The following VPS13A variants were observed in gnomAD, a reference collection of about 807,000 sequenced individuals.
The protein encoded by VPS13A is intermembrane lipid transfer protein VPS13A.
A neutral mutation model predicts 390.9 loss-of-function variants in VPS13A; 264 were observed. The ratio of observed to expected loss-of-function variants is 0.68; its 90% CI spans 0.61 to 0.75. The LOEUF is 0.75. Ranked by LOEUF, VPS13A falls within the 30% of genes least tolerant of loss-of-function variation. The pLI is 0.00. For missense variants in VPS13A, 3,409 were observed against 3,733.9 expected (o/e 0.91, Z 2.27); for synonymous variants, 1,231 against 1,227.1 (o/e 1.00, Z -0.07).
At chr9:77,339,038 A>T (rs750248842) in intron 47 of VPS13A, 16 of 182,208 alleles carry the variant, frequency 8.8e-5, no homozygotes, top group Non-Finnish European at 1.7e-4. Flanking sequence ...GATACATATG[A>T]CGTAATAATA....
intron 1 of VPS13A, among the ~76,000 whole-genome samples, chr9:77,183,051 A>G (rs1324305332): frequency 1.3e-5 from 2 of 152,190 alleles, no homozygotes; most frequent in African/African-American, 4.8e-5. Context: ...ACCAATTCTA[A>G]TTCCTTATGT....
chr9:77,312,779 G>C (rs1333657085), intron 35 of VPS13A, among the ~76,000 whole-genome samples: 2 of 152,120 alleles, frequency 1.3e-5, no homozygotes, highest in Non-Finnish European at 2.9e-5. Flanking sequence ...GTAGAAGACT[G>C]ACAACATCAA....
At chr9:77,344,966 G>C in intron 51 of VPS13A, 43 bp from the exon 52 acceptor site, 1 of 1,591,816 alleles carries the variant, frequency 6.3e-7, no homozygotes, top group Non-Finnish European at 8.6e-7. Flanking sequence ...AATATTCTTG[G>C]GAAAATGATT....
intron 33 of VPS13A, among the ~76,000 whole-genome samples, chr9:77,299,168 A>G (rs1394213269): frequency 6.6e-6 from 1 of 152,102 alleles, no homozygotes; most frequent in East Asian, 1.9e-4. Context: ...GTAGCCTTGT[A>G]GTATAGTTTG....
chr9:77,186,958 G>C (rs1459110419), intron 1 of VPS13A, among the ~76,000 whole-genome samples: 1 of 152,126 alleles, frequency 6.6e-6, no homozygotes, highest in Non-Finnish European at 1.5e-5. Context: ...TCGAATACTT[G>C]AAGTATAAGT....
chr9:77,212,948 A>G, intron 7 of VPS13A, 21 bp from the exon 8 acceptor site: 1 of 1,613,384 alleles, frequency 6.2e-7, no homozygotes, highest in South Asian at 1.1e-5. Context: ...TTTTACTGCC[A>G]TTGTTTTTTT....
At chr9:77,202,233 T>C in intron 3 of VPS13A, among the ~76,000 whole-genome samples, 1 of 152,158 alleles carries the variant, frequency 6.6e-6, no homozygotes. Context: ...CATATGTTAC[T>C]GACAGTAGAA....
rs1829749826 is a variant in VPS13A at position 77,321,537 on chromosome 9, A to T, written c.5621A>T (p.Asp1874Val). The T allele has an allele frequency of 2.5e-6, 4 of 1,613,430 alleles. No homozygotes were observed. Among genetic ancestry groups the T allele is most frequent in the Non-Finnish European group, 3.4e-6 (4 of 1,179,638 alleles). Reference protein sequence around the residue: ...ATGSSADFVKDLAPFMILNSL... With the variant: ...ATGSSADFVKVLAPFMILNSL... Reference sequence around the variant, plus strand: ...GGATCTTCAGCTGACTTCGTAAAGGATCTAGCACCATTTATGATTTTAAAT... The same window carrying T: ...GGATCTTCAGCTGACTTCGTAAAGGTTCTAGCACCATTTATGATTTTAAAT... The change falls in exon 44 of 72, where the codon GAT (aspartate) becomes GTT (valine). Residue 1874 changes from aspartate (D) to valine (V), a missense_variant. Physicochemically the swap from Asp to Val is radical, Grantham distance 152 (BLOSUM62 -3). Around this residue, in one of 5 missense-constraint regions of VPS13A, gnomAD observed 2,717 missense variants for 2,917.4 expected, o/e 0.93. Transcript: ENST00000360280.
Position 77,406,000 on chromosome 9 carries a change from GATTT to G in VPS13A, c.9399+18_9399+21del, listed in dbSNP as rs1563996413. 4 of 1,613,064 alleles carry G rather than the reference GATTT, an allele frequency of 2.5e-6. No individual in the cohort carries two copies. The East Asian group carries it at 6.7e-5, about 27-fold the overall frequency. On this transcript the variant is annotated intron_variant, in intron 70 of 71. Transcript: ENST00000360280. Reference sequence around the variant, plus strand: ...CATTGAAGCAAAGGTATGTTGAATAGATTTATTTTTTGAAAACTTGGAACTGAAA... The same window carrying G: ...CATTGAAGCAAAGGTATGTTGAATAGATTTTTTGAAAACTTGGAACTGAAA...
intron 45 of VPS13A, among the ~76,000 whole-genome samples, chr9:77,329,216 G>A (rs1419417132): frequency 6.6e-6 from 1 of 152,186 alleles, no homozygotes; most frequent in African/African-American, 2.4e-5. Context: ...TATTCTTCCT[G>A]TCAGCAATAA....
chr9:77,398,378 G>A (rs547907686), intron 68 of VPS13A, among the ~76,000 whole-genome samples: 1 of 152,252 alleles, frequency 6.6e-6, no homozygotes, highest in Admixed American at 6.5e-5. Context: ...AAGTCACTTA[G>A]ATGTACTCTT....
rs556112760 is a variant in VPS13A, at chr9:77,248,261, G to A, written c.2037+866G>A. On this transcript the variant is annotated intron_variant, in intron 20 of 71. Transcript: ENST00000360280. ...GACAGAGTCTGGCTCTGTGGCCCAG[G>A]CTGGAGTGCAGTGGCACGATCTCGG... is the stretch of plus-strand genomic sequence containing the variant. Among the ~76,000 whole-genome samples, 63 of 151,010 alleles carry A rather than the reference G, an allele frequency of 4.2e-4. No homozygotes were observed. In the East Asian group the frequency reaches 0.012, roughly 28 times the overall value.
chr9:77,291,693 C>A (rs192717728), intron 31 of VPS13A, among the ~76,000 whole-genome samples: 1 of 152,106 alleles, frequency 6.6e-6, no homozygotes, highest in African/African-American at 2.4e-5. Flanking sequence ...GTTAGAGGCT[C>A]CTGCTGCTTG....
intron 19 of VPS13A, among the ~76,000 whole-genome samples, chr9:77,239,149 TTTTCTA>T (rs1425382015): frequency 6.6e-6 from 1 of 152,080 alleles, no homozygotes; most frequent in African/African-American, 2.4e-5. Flanking sequence ...CAATGTAGAT[TTTTCTA>T]TTTCTAATAG....
intron 68 of VPS13A, among the ~76,000 whole-genome samples, chr9:77,402,760 A>AT (rs1834443627): frequency 6.6e-6 from 1 of 152,102 alleles, no homozygotes; most frequent in Non-Finnish European, 1.5e-5. Context: ...TCTGCTCTTT[A>AT]TTTTTTACTA....
chr9:77,357,417 T>C (rs1301102036), intron 55 of VPS13A, among the ~76,000 whole-genome samples: 1 of 151,914 alleles, frequency 6.6e-6, no homozygotes, highest in African/African-American at 2.4e-5. Flanking sequence ...TTAAAAATGT[T>C]TTATTTTTTC....
rs200923232 is a variant in VPS13A, at chr9:77,233,293, G to GT, written c.1596-4701dup. Among the ~76,000 whole-genome samples, 921 of 150,738 alleles carry GT rather than the reference G, an allele frequency of 6.1e-3. 12 individuals are homozygous for GT. Among genetic ancestry groups the GT allele is most frequent in the African/African-American group, 0.021 (854 of 41,096 alleles). ...AGTTATAGATATTTGCATCTTTAGT[G>GT]TTTTTTTTCTTATTTTAGGTAAAGG... On this transcript the variant is annotated intron_variant, in intron 17 of 71. Coordinates refer to ENST00000360280, the MANE Select transcript of VPS13A (RefSeq NM_033305.3).
intron 60 of VPS13A, among the ~76,000 whole-genome samples, chr9:77,366,485 G>T (rs184925370): frequency 1.3e-5 from 2 of 152,042 alleles, no homozygotes; most frequent in African/African-American, 4.8e-5. Context: ...TCTTAGGTTT[G>T]CCAAAAGAAT....
intron 19 of VPS13A, among the ~76,000 whole-genome samples, chr9:77,245,308 G>A (rs1268608923): frequency 3.3e-5 from 5 of 152,290 alleles, no homozygotes. Context: ...AATACTTGAG[G>A]AATCCTTAGA....
Sources: allele counts gnomAD v4.1 joint callset (sites outside exome capture counted in the v4.1 genomes callset), GRCh38; gene constraint gnomAD v4.1.1; regional missense constraint gnomAD v4.1.1; transcripts MANE v1.5; gene names NCBI Gene and HGNC (gene_info 2026-07-23, HGNC 2026-07-21).